Variants in VPS8 observed in about 807,000 individuals in gnomAD.
The protein encoded by VPS8 is vacuolar protein sorting-associated protein 8 homolog.
A neutral mutation model predicts 216.4 loss-of-function variants in VPS8; 129 were observed. That is an observed-to-expected ratio of 0.60 (90% CI 0.52 to 0.69). The LOEUF is 0.69. VPS8 is among the 30% of genes least tolerant of loss of function. The probability of loss-of-function intolerance (pLI) is 0.00; values close to 1 mark genes in which losing one functional copy is unlikely to be tolerated. For missense variants in VPS8, 1,531 were observed against 1,683.5 expected (o/e 0.91, Z 1.59); for synonymous variants, 571 against 565.4 (o/e 1.01, Z -0.14).
At chr3:184,983,332 C>T (rs536892694) in intron 42 of VPS8, among the ~76,000 whole-genome samples, 103 of 152,272 alleles carry the variant, frequency 6.8e-4, no homozygotes, top group African/African-American at 2.3e-3. Flanking sequence ...GGCGTGCGGC[C>T]TTCAGATATT....
chr3:185,012,180 G>C (rs954120499), intron 45 of VPS8, among the ~76,000 whole-genome samples: 2 of 149,936 alleles, frequency 1.3e-5, no homozygotes, highest in African/African-American at 4.9e-5. Context: ...ATATCTAGAA[G>C]TCTATCATAT....
At chr3:184,885,422 T>C (rs1198660774) in intron 21 of VPS8, among the ~76,000 whole-genome samples, 4 of 152,290 alleles carry the variant, frequency 2.6e-5, no homozygotes, top group Admixed American at 6.5e-5. Flanking sequence ...GGGTCAAAAT[T>C]ATGGATTATC....
intron 42 of VPS8, among the ~76,000 whole-genome samples, chr3:184,993,227 T>G (rs563843223): frequency 1.3e-5 from 2 of 152,316 alleles, no homozygotes; most frequent in East Asian, 3.9e-4. Flanking sequence ...TACATCCCTC[T>G]TTCTCTTCCT....
intron 34 of VPS8, among the ~76,000 whole-genome samples, chr3:184,934,811 G>C (rs1334670351): frequency 6.6e-6 from 1 of 152,096 alleles, no homozygotes; most frequent in Non-Finnish European, 1.5e-5. Flanking sequence ...AGATTGATCT[G>C]TAATTTTGTC....
At chr3:184,891,626 T>C (rs1361291790) in intron 22 of VPS8, among the ~76,000 whole-genome samples, 1 of 152,210 alleles carries the variant, frequency 6.6e-6, no homozygotes, top group Non-Finnish European at 1.5e-5. Flanking sequence ...CACATGCCTT[T>C]TTAAAGGAAA....
chr3:184,881,829 C>T (rs1248522438), intron 21 of VPS8, among the ~76,000 whole-genome samples: 4 of 151,786 alleles, frequency 2.6e-5, no homozygotes, highest in Non-Finnish European at 2.9e-5. Flanking sequence ...TTTAGATTTA[C>T]GCCTAATATT....
At chr3:185,032,659 A>G (rs1758330264) in intron 46 of VPS8, among the ~76,000 whole-genome samples, 1 of 151,994 alleles carries the variant, frequency 6.6e-6, no homozygotes, top group Non-Finnish European at 1.5e-5. Flanking sequence ...TAATTTTTGT[A>G]ATTAATAGCC....
intron 45 of VPS8, among the ~76,000 whole-genome samples, chr3:185,019,769 G>A (rs1299124540): frequency 1.3e-5 from 2 of 152,132 alleles, no homozygotes; most frequent in Non-Finnish European, 2.9e-5. Flanking sequence ...CCAATTTTGG[G>A]GCCAGTTTGT....
chr3:184,945,676 C>T (rs529251072), intron 36 of VPS8, among the ~76,000 whole-genome samples: 6 of 152,128 alleles, frequency 3.9e-5, no homozygotes, highest in Non-Finnish European at 8.8e-5. Context: ...GCTGGTTTCC[C>T]AACTGTAATC....
At chr3:184,835,936 C>T (rs1441232690) in intron 5 of VPS8, among the ~76,000 whole-genome samples, 1 of 152,038 alleles carries the variant, frequency 6.6e-6, no homozygotes, top group South Asian at 2.1e-4. Context: ...GTCTCGATCT[C>T]CTGACCTTGT....
At chr3:184,966,545 A>T in intron 38 of VPS8, 126 bp from the exon 39 acceptor site, 1 of 519,570 alleles carries the variant, frequency 1.9e-6, no homozygotes, top group Non-Finnish European at 3.3e-6. Flanking sequence ...GACTGACACT[A>T]AAGGACTGTT....
intron 8 of VPS8, among the ~76,000 whole-genome samples, chr3:184,848,065 A>G (rs915389040): frequency 6.6e-6 from 1 of 151,978 alleles, no homozygotes; most frequent in African/African-American, 2.4e-5. Flanking sequence ...GGTGCCCACC[A>G]CCACACCCGG....
chr3:184,989,934 A>G (rs1407395005), intron 42 of VPS8, among the ~76,000 whole-genome samples: 1 of 152,030 alleles, frequency 6.6e-6, no homozygotes, highest in African/African-American at 2.4e-5. Flanking sequence ...TTAGCCAGGC[A>G]TGGTGGCAGG....
Position 185,048,619 on chromosome 3 carries a change from C to A in VPS8, c.4137+60C>A, listed in dbSNP as rs1713486467. 10 of 1,581,380 alleles carry A rather than the reference C, an allele frequency of 6.3e-6. No individual in the cohort carries two copies. In the South Asian group the frequency reaches 1.1e-4, roughly 18 times the overall value. Reference sequence around the variant, plus strand: ...CCTATTTATAGTTTACTGCTTTAGACAGGCAGTGTCTTGGAACCTCCCTCT... The same window carrying A: ...CCTATTTATAGTTTACTGCTTTAGAAAGGCAGTGTCTTGGAACCTCCCTCT... On this transcript the variant is annotated intron_variant, in intron 47 of 47. Transcript: ENST00000625842.
chr3:184,944,652 C>T (rs2109354147), intron 36 of VPS8: 1 of 933,006 alleles, frequency 1.1e-6, no homozygotes, highest in Non-Finnish European at 1.3e-6. Flanking sequence ...GTTGATTTAG[C>T]CTTTGTTAAC....
At chr3:184,832,959 T>G in intron 4 of VPS8, 140 bp downstream of exon 4, 1 of 1,078,098 alleles carries the variant, frequency 9.3e-7, no homozygotes, top group Non-Finnish European at 1.3e-6. Flanking sequence ...TCTTGAAAAT[T>G]TTGGTACCAT....
intron 35 of VPS8, among the ~76,000 whole-genome samples, chr3:184,937,900 T>TA (rs1441048579): frequency 2.0e-5 from 3 of 152,116 alleles, no homozygotes; most frequent in African/African-American, 7.2e-5. Context: ...TGGAGACAAA[T>TA]ACGAAACGGT....
chr3:184,960,844 A>G (rs1337656428), intron 37 of VPS8, among the ~76,000 whole-genome samples: 1 of 152,154 alleles, frequency 6.6e-6, no homozygotes, highest in Non-Finnish European at 1.5e-5. Context: ...TAAAAGGGAG[A>G]CTCACATATG....
At chr3:184,851,767 G>A (rs1038599115) in intron 10 of VPS8, among the ~76,000 whole-genome samples, 5 of 152,168 alleles carry the variant, frequency 3.3e-5, no homozygotes, top group African/African-American at 1.2e-4. Flanking sequence ...GGGAACCTGA[G>A]GCGTGCTATT....
Sources: allele counts gnomAD v4.1 joint callset (sites outside exome capture counted in the v4.1 genomes callset), GRCh38; gene constraint gnomAD v4.1.1; transcripts MANE v1.5; gene names NCBI Gene and HGNC (gene_info 2026-07-23, HGNC 2026-07-21).